Variants in ATF6 observed in about 807,000 individuals in gnomAD.
The protein encoded by ATF6 is activating transcription factor 6, also known as cyclic AMP-dependent transcription factor ATF-6 alpha.
In ATF6, 53 loss-of-function variants were observed where a neutral mutation model predicts 83.6. The ratio of observed to expected loss-of-function variants is 0.63; its 90% CI spans 0.51 to 0.80. The LOEUF (loss-of-function observed/expected upper bound fraction) is 0.80. ATF6 is among the 30% of genes least tolerant of loss of function. The pLI, the probability that ATF6 is intolerant of heterozygous loss-of-function variation, is 0.00. For synonymous variants in ATF6, 288 were observed against 285.8 expected (o/e 1.01, Z -0.08); for missense variants, 744 against 797.9 (o/e 0.93, Z 0.81).
At chr1:161,848,164 G>C (rs1470442927) in intron 10 of ATF6, among the ~76,000 whole-genome samples, 2 of 151,224 alleles carry the variant, frequency 1.3e-5, no homozygotes, top group African/African-American at 4.8e-5. Flanking sequence ...TTGATTCCAT[G>C]CAAGTCCTTT....
At chr1:161,943,487 A>G (rs183684389) in intron 15 of ATF6, among the ~76,000 whole-genome samples, 2 of 152,294 alleles carry the variant, frequency 1.3e-5, no homozygotes, top group East Asian at 3.9e-4. Context: ...AGAACGGACT[A>G]ATACAACCTG....
intron 12 of ATF6, among the ~76,000 whole-genome samples, chr1:161,859,517 T>G (rs1290992892): frequency 1.3e-5 from 2 of 152,236 alleles, no homozygotes; most frequent in Non-Finnish European, 2.9e-5. Context: ...AACCATTGTT[T>G]GACAGGGTAA....
At chr1:161,909,964 G>T (rs921381627) in intron 14 of ATF6, among the ~76,000 whole-genome samples, 33 of 152,024 alleles carry the variant, frequency 2.2e-4, no homozygotes, top group African/African-American at 7.7e-4. Flanking sequence ...TCAAAAAAAA[G>T]AAAAGACAGT....
chr1:161,791,426 T>C lies in ATF6; in HGVS notation c.373T>C (p.Ser125Pro). Residue 125 changes from serine to proline, a missense_variant, in exon 5 of 16, where the codon TCT becomes CCT. Coordinates refer to ENST00000367942, the MANE Select transcript of ATF6 (RefSeq NM_007348.4). ...QHVPEELDLS[S>P]SSQMSPLSLY... ...GCTACAGGAGGAGTTGGATTTGTCT[T>C]CTAGTTCTCAGATGTCTCCCCTTTC... The C allele has an allele frequency of 1.2e-6, 2 of 1,610,030 alleles. No homozygotes were observed. The highest frequency in any genetic ancestry group is 2.2e-5 in the East Asian group (1 of 44,798).
intron 14 of ATF6, among the ~76,000 whole-genome samples, chr1:161,909,813 G>T (rs1184265982): frequency 6.6e-6 from 1 of 152,028 alleles, no homozygotes; most frequent in African/African-American, 2.4e-5. Context: ...AAAATTAGCC[G>T]GGCATGGTGG....
In ATF6 at chr1:161,940,814, G is replaced by A. The variant is rs539798046; in HGVS notation, c.1805-17632G>A. Among the ~76,000 whole-genome samples the A allele has an allele frequency of 2.3e-3, 357 of 152,028 alleles. 3 individuals are homozygous for A. The highest frequency in any genetic ancestry group is 8.3e-3 in the African/African-American group (343 of 41,450). On this transcript the variant is annotated intron_variant, in intron 15 of 15. Transcript: ENST00000367942. ...CTTGACCTTGTGATCCGCCCACCTC[G>A]GCCTCCCAAAGTGCTGGGATTACAG... is the stretch of plus-strand genomic sequence containing the variant.
At chr1:161,944,956 TG>T (rs150410644) in intron 15 of ATF6, among the ~76,000 whole-genome samples, 31,169 of 152,026 alleles carry the variant, frequency 0.21, 3,943 homozygotes, top group Non-Finnish European at 0.28. Context: ...TTAAATGCAG[TG>T]TTTGGCATTG....
At chr1:161,846,349 G>A in intron 9 of ATF6, 100 bp from the exon 10 acceptor site, 1 of 1,326,550 alleles carries the variant, frequency 7.5e-7, no homozygotes. Context: ...TACGTGCATG[G>A]ATCTGCAAAG....
At chr1:161,848,903 A>G (rs1571186799) in intron 10 of ATF6, among the ~76,000 whole-genome samples, 2 of 146,806 alleles carry the variant, frequency 1.4e-5, no homozygotes, top group Middle Eastern at 7.2e-3. Context: ...ACTCCACCCA[A>G]TCCTTGTCCT....
intron 15 of ATF6, among the ~76,000 whole-genome samples, chr1:161,930,491 A>G (rs927754723): frequency 6.6e-6 from 1 of 152,198 alleles, no homozygotes; most frequent in Admixed American, 6.5e-5. Flanking sequence ...CGTTTCTTTC[A>G]AAAATAGCTT....
rs1685159643 is a variant in ATF6 at position 161,801,954 on chromosome 1, C to A, written c.689-98C>A. On this transcript the variant is annotated intron_variant, in intron 6 of 15. Transcript: ENST00000367942. Reference sequence around the variant, plus strand: ...TGGTGTCCAATCCCTTGGTGTTGATCTTACCCATTACGTCTGCAGAAAAGA... The same window carrying A: ...TGGTGTCCAATCCCTTGGTGTTGATATTACCCATTACGTCTGCAGAAAAGA... The A allele has an allele frequency of 9.4e-6, 10 of 1,059,232 alleles. No individual in the cohort carries two copies. In the South Asian group the frequency reaches 1.3e-4, roughly 13 times the overall value. The allele number at this position is 1,059,232 out of a possible 1,614,324, so 65.6% of individuals were successfully genotyped here. A position where few individuals can be genotyped will look rare whatever the true frequency, so the allele number is the denominator to read the frequency against.
At chr1:161,916,059 T>C (rs1438595207) in intron 15 of ATF6, among the ~76,000 whole-genome samples, 1 of 152,256 alleles carries the variant, frequency 6.6e-6, no homozygotes, top group African/African-American at 2.4e-5. Context: ...CCTCTGATTC[T>C]GTCTTCTTTT....
At chr1:161,808,326 A>G (rs958297210) in intron 7 of ATF6, among the ~76,000 whole-genome samples, 11 of 152,186 alleles carry the variant, frequency 7.2e-5, no homozygotes, top group African/African-American at 2.7e-4. Context: ...CAGTCCTTTT[A>G]TACCCCAGAG....
intron 1 of ATF6, among the ~76,000 whole-genome samples, chr1:161,769,580 G>A (rs1684338674): frequency 6.6e-6 from 1 of 152,082 alleles, no homozygotes; most frequent in African/African-American, 2.4e-5. Flanking sequence ...TACATTTATT[G>A]TGCACTTTAT....
chr1:161,784,042 T>C lies in ATF6; in HGVS notation c.300T>C (p.Tyr100=), dbSNP rs762505435. The C allele has an allele frequency of 9.3e-6, 15 of 1,613,812 alleles. No homozygotes were observed. Among genetic ancestry groups the C allele is most frequent in the Middle Eastern group, 1.6e-4 (1 of 6,084 alleles). The change falls in exon 4 of 16, where the codon TAT becomes TAC. Residue 100 remains tyrosine (Y), a synonymous_variant. Transcript: ENST00000367942. ...PQPLSPASSS[Y]SVSSPRSVDS... is the part of the protein sequence containing the mutation. ...CACTTTCTCCAGCCTCCTCAAGTTA[T>C]TCAGTCTCGTCTCCTCGGTCAGTGG...
rs558342062 is a variant in ATF6 at position 161,835,120 on chromosome 1, A to G, written c.1188-11329A>G. Among the ~76,000 whole-genome samples the G allele has an allele frequency of 6.3e-4, 96 of 152,106 alleles. 1 individual carries two copies. Among genetic ancestry groups the G allele is most frequent in the African/African-American group, 2.2e-3 (91 of 41,506 alleles). ...GATCTTGCTTTGTTTTCCAGGCTGGAGTGCAGCAGCATGATCATGACTCAC... is the reference window on the plus strand; with the variant it reads ...GATCTTGCTTTGTTTTCCAGGCTGGGGTGCAGCAGCATGATCATGACTCAC... On this transcript the variant is annotated intron_variant, in intron 9 of 15. Transcript: ENST00000367942.
rs367722298 is a variant in ATF6 at position 161,853,254 on chromosome 1, T to C, written c.1464T>C (p.His488=). 6.2e-7 allele frequency: 1 copy of C among 1,613,484 alleles called. No individual in the cohort carries two copies. Among genetic ancestry groups the C allele is most frequent in the Non-Finnish European group, 8.5e-7 (1 of 1,179,428 alleles). ...RLNHELRGWV[H]RHEVERTKSR... The stretch of plus-strand genomic sequence containing the variant: ...ATCATGAACTTCGAGGATGGGTTCA[T>C]AGACATGAAGTAGAAAGGACCAAGT... Residue 488 remains histidine, a synonymous_variant, in exon 12 of 16, where the codon CAT becomes CAC. Transcript: ENST00000367942.
rs1316663420 is a variant in ATF6, at chr1:161,963,718, T to G, written c.*5064T>G. The G allele has an allele frequency of 6.6e-6, 1 of 152,204 alleles. No homozygotes were observed. The highest frequency in any genetic ancestry group is 2.4e-5 in the African/African-American group (1 of 41,440). 9.4% of individuals were successfully genotyped at this position (152,204 alleles called of 1,614,324 possible). A position where few individuals can be genotyped will look rare whatever the true frequency, so the allele number is the denominator to read the frequency against. On this transcript the variant is annotated 3_prime_UTR_variant, in exon 16 of 16. Coordinates refer to ENST00000367942, the MANE Select transcript of ATF6 (RefSeq NM_007348.4). Reference sequence around the variant, plus strand: ...AGAGGAGATGATGGGGAAACAGAGCTTTAGATGAAAACTACTATGCACTAC... The same window carrying G: ...AGAGGAGATGATGGGGAAACAGAGCGTTAGATGAAAACTACTATGCACTAC...
rs1431687126 is a variant in ATF6, at chr1:161,948,113, ACT to A, written c.1805-10330_1805-10329del. ...AGTACCTTAAGCCATTCCTTTTGAGACTCTGAAGAAAGGGTACGTTCCTAATG... is the reference window on the plus strand; with the variant it reads ...AGTACCTTAAGCCATTCCTTTTGAGACTGAAGAAAGGGTACGTTCCTAATG... On this transcript the variant is annotated intron_variant, in intron 15 of 15. Coordinates refer to ENST00000367942, the MANE Select transcript of ATF6 (RefSeq NM_007348.4). 2.0e-5 allele frequency among the ~76,000 whole-genome samples: 3 copies of A among 151,652 alleles called. No homozygotes were observed. The East Asian group carries it at 5.8e-4, about 29-fold the overall frequency.
Sources: allele counts gnomAD v4.1 joint callset (sites outside exome capture counted in the v4.1 genomes callset), GRCh38; gene constraint gnomAD v4.1.1; transcripts MANE v1.5; gene names NCBI Gene and HGNC (gene_info 2026-07-23, HGNC 2026-07-21).